Variants in MAP3K5 observed in about 807,000 individuals in gnomAD.
MAP3K5 encodes ASK-1.
MAP3K5 carries 56 observed loss-of-function variants against 158.7 expected under a neutral mutation model. That is an observed-to-expected ratio of 0.35 (90% CI 0.28 to 0.44). The LOEUF (loss-of-function observed/expected upper bound fraction) is 0.44, where lower values mean the gene tolerates loss of function less well. Ranked by LOEUF, MAP3K5 falls within the 20% of genes least tolerant of loss-of-function variation. MAP3K5 has a pLI of 1.00. For synonymous variants in MAP3K5, 579 were observed against 601.7 expected (o/e 0.96, Z 0.55); for missense variants, 1,294 against 1,674.8 (o/e 0.77, Z 3.97).
intron 13 of MAP3K5, among the ~76,000 whole-genome samples, chr6:136,638,842 C>A (rs546291217): frequency 5.3e-4 from 80 of 152,288 alleles, no homozygotes; most frequent in Admixed American, 1.4e-3. Context: ...CAATCCCCAG[C>A]AAAATTCTGA....
At chr6:136,766,021 A>G (rs1301821142) in intron 1 of MAP3K5, among the ~76,000 whole-genome samples, 1 of 152,122 alleles carries the variant, frequency 6.6e-6, no homozygotes, top group Non-Finnish European at 1.5e-5. Flanking sequence ...CTTGGATTAT[A>G]CATATTCCAA....
intron 7 of MAP3K5, among the ~76,000 whole-genome samples, chr6:136,678,088 C>T (rs1009629496): frequency 4.6e-5 from 7 of 152,288 alleles, no homozygotes; most frequent in African/African-American, 1.4e-4. Context: ...CTTTGTATGG[C>T]TCTGCCTACC....
intron 21 of MAP3K5, among the ~76,000 whole-genome samples, chr6:136,594,796 C>T (rs1006769136): frequency 2.7e-5 from 4 of 150,096 alleles, no homozygotes; most frequent in Non-Finnish European, 5.9e-5. Flanking sequence ...TCGTGTGTTT[C>T]CGTGTTTGTG....
chr6:136,652,609 T>C (rs925892949), intron 10 of MAP3K5, among the ~76,000 whole-genome samples: 1 of 152,182 alleles, frequency 6.6e-6, no homozygotes, highest in African/African-American at 2.4e-5. Flanking sequence ...ATCATCCAAC[T>C]CTCTTCATTG....
At chr6:136,647,183 G>A (rs893303371) in intron 11 of MAP3K5, among the ~76,000 whole-genome samples, 23 of 152,136 alleles carry the variant, frequency 1.5e-4, no homozygotes, top group African/African-American at 4.3e-4. Context: ...ACCCTCCAGA[G>A]CCTCAGACTT....
intron 18 of MAP3K5, among the ~76,000 whole-genome samples, chr6:136,610,429 G>A (rs1776281037): frequency 6.6e-6 from 1 of 151,796 alleles, no homozygotes; most frequent in African/African-American, 2.4e-5. Context: ...CTTCTGAGTC[G>A]GTGAGTCACT....
chr6:136,624,731 A>G, intron 14 of MAP3K5, among the ~76,000 whole-genome samples: 1 of 152,310 alleles, frequency 6.6e-6, no homozygotes, highest in Non-Finnish European at 1.5e-5. Context: ...GAGAAGAAAA[A>G]CATTATTTAT....
chr6:136,667,212 T>C (rs527623215), intron 8 of MAP3K5, among the ~76,000 whole-genome samples: 3 of 152,042 alleles, frequency 2.0e-5, no homozygotes, highest in African/African-American at 4.8e-5. Context: ...AAATAGAACA[T>C]ATATACTGAA....
At chr6:136,588,170 C>T (rs1215297202) in intron 23 of MAP3K5, among the ~76,000 whole-genome samples, 1 of 152,190 alleles carries the variant, frequency 6.6e-6, no homozygotes, top group Non-Finnish European at 1.5e-5. Context: ...CTTTCTTCAC[C>T]TCCAATGCCT....
intron 15 of MAP3K5, among the ~76,000 whole-genome samples, chr6:136,621,159 A>G (rs1776781477): frequency 6.6e-6 from 1 of 151,674 alleles, no homozygotes; most frequent in Non-Finnish European, 1.5e-5. Flanking sequence ...TTTAATTTTG[A>G]AAGTTTCTAC....
rs56849124 is a variant in MAP3K5 at position 136,609,987 on chromosome 6, T to C, written c.2521+1295A>G. ...TCTATCCGGTACACACTGCTGTGACTTCTGACTGCAATGTCACTTCTCTCC... is the reference window on the plus strand; with the variant it reads ...TCTATCCGGTACACACTGCTGTGACCTCTGACTGCAATGTCACTTCTCTCC... On this transcript the variant is annotated intron_variant, in intron 18 of 29. Transcript: ENST00000359015. The surrounding 1 kb of genome is among the most constrained non-coding windows in gnomAD (Gnocchi z 4.4). 5.5e-4 allele frequency among the ~76,000 whole-genome samples: 83 copies of C among 152,058 alleles called. No homozygotes were observed. Among genetic ancestry groups the C allele is most frequent in the African/African-American group, 1.9e-3 (79 of 41,480 alleles).
chr6:136,694,578 C>T (rs1253886229), intron 6 of MAP3K5, among the ~76,000 whole-genome samples: 3 of 152,194 alleles, frequency 2.0e-5, no homozygotes, highest in African/African-American at 7.2e-5. Context: ...ATCCACAATC[C>T]TTCCAATTTC....
intron 15 of MAP3K5, among the ~76,000 whole-genome samples, chr6:136,619,830 C>T (rs968226806): frequency 1.3e-5 from 2 of 152,204 alleles, no homozygotes; most frequent in African/African-American, 4.8e-5. Context: ...ACAAACAGTA[C>T]GACTTACTGA....
intron 1 of MAP3K5, among the ~76,000 whole-genome samples, chr6:136,760,708 G>A (rs777141504): frequency 1.3e-5 from 2 of 152,096 alleles, no homozygotes; most frequent in Non-Finnish European, 2.9e-5. Flanking sequence ...TGTGGCTCAC[G>A]CCTGTAATCC....
intron 3 of MAP3K5, among the ~76,000 whole-genome samples, chr6:136,702,721 A>C (rs1780904934): frequency 6.6e-6 from 1 of 152,176 alleles, no homozygotes; most frequent in African/African-American, 2.4e-5. Context: ...TTTAAGACAG[A>C]ATCTTACTCT....
Position 136,583,850 on chromosome 6 carries a change from A to G in MAP3K5, c.3226-110T>C, listed in dbSNP as rs1774998214. On this transcript the variant is annotated intron_variant, in intron 23 of 29. Transcript: ENST00000359015. ...CACATTTTTTTTTCTTTTGGTAGAG[A>G]CAAGGTCTCACTATATTGCCCAGGC... 3.1e-6 allele frequency: 3 copies of G among 961,310 alleles called. No homozygotes were observed. In the South Asian group the frequency reaches 4.8e-5, roughly 16 times the overall value. The allele number at this position is 961,310 out of a possible 1,614,324, so 59.5% of individuals were successfully genotyped here.
At chr6:136,782,510 T>G (rs960972718) in intron 1 of MAP3K5, among the ~76,000 whole-genome samples, 5 of 152,172 alleles carry the variant, frequency 3.3e-5, no homozygotes, top group Non-Finnish European at 7.4e-5. Context: ...TGGAAAGTAC[T>G]GGTATAACTG....
intron 3 of MAP3K5, among the ~76,000 whole-genome samples, chr6:136,704,354 G>A (rs1352001755): frequency 6.6e-6 from 1 of 152,094 alleles, no homozygotes; most frequent in East Asian, 1.9e-4. Flanking sequence ...CTTCACTGAG[G>A]TTGGGGAATC....
chr6:136,698,826 T>C, intron 3 of MAP3K5, 144 bp from the exon 4 acceptor site: 1 of 581,140 alleles, frequency 1.7e-6, no homozygotes, highest in Non-Finnish European at 3.0e-6. Context: ...CCTACGACAA[T>C]GAAAATTTCC....
Sources: gnomAD v4.1 joint callset for allele counts (sites outside exome capture counted in the v4.1 genomes callset) on GRCh38, gnomAD v4.1.1 for gene constraint, Gnocchi (gnomAD v3.1) non-coding constraint, MANE v1.5 for transcripts, NCBI Gene and HGNC (gene_info 2026-07-23, HGNC 2026-07-21) for gene names.